The following ARMC9 variants were observed in gnomAD, a reference collection of about 807,000 sequenced individuals.
The protein encoded by ARMC9 is lisH domain-containing protein ARMC9.
Under a neutral mutation model 107.0 loss-of-function variants are expected in ARMC9, and 94 were observed. The observed-to-expected ratio is 0.88, with a 90% CI of 0.74 to 1.04. ARMC9 has a LOEUF of 1.04. Among genes scored for constraint, ARMC9 ranks in the 50% least tolerant of loss-of-function variants. The pLI, the probability that ARMC9 is intolerant of heterozygous loss-of-function variation, is 0.00. For synonymous variants in ARMC9, 380 were observed against 396.9 expected, an observed-to-expected ratio of 0.96 and a Z score of 0.51; for missense variants, 942 against 1,030.1, an observed-to-expected ratio of 0.91 and a Z score of 1.17.
In ARMC9 at chr2:231,376,289, C is replaced by T. The variant is rs1255045070; in HGVS notation, c.*4754C>T. 2.0e-5 allele frequency among the ~76,000 whole-genome samples: 3 copies of T among 152,132 alleles called. No individual in the cohort carries two copies. The highest frequency in any genetic ancestry group is 6.5e-5 in the Admixed American group (1 of 15,276). ...CCTTAAACTCTGACCACTGGTGAGT[C>T]GGGCGGAACAGAGCCATATTTCTCT... On this transcript the variant is annotated 3_prime_UTR_variant, in exon 25 of 25. Transcript: ENST00000611582.
At chr2:231,291,034 A>C (rs2040954201) in intron 17 of ARMC9, among the ~76,000 whole-genome samples, 1 of 152,070 alleles carries the variant, frequency 6.6e-6, no homozygotes, top group Admixed American at 6.5e-5. Flanking sequence ...GAATTATGAA[A>C]AGGATAAAAT....
chr2:231,237,865 T>A (rs2035921230), intron 8 of ARMC9, among the ~76,000 whole-genome samples: 1 of 137,720 alleles, frequency 7.3e-6, no homozygotes, highest in African/African-American at 2.7e-5. Context: ...AGCAAGAAAG[T>A]GACATGATCA....
chr2:231,266,428 C>CT (rs1353411642), intron 12 of ARMC9, among the ~76,000 whole-genome samples: 2 of 152,184 alleles, frequency 1.3e-5, no homozygotes, highest in Non-Finnish European at 2.9e-5. Flanking sequence ...TTCTTAGTTT[C>CT]TAGACTTCAT....
chr2:231,280,464 A>G (rs534226134), intron 16 of ARMC9, among the ~76,000 whole-genome samples: 2 of 152,196 alleles, frequency 1.3e-5, no homozygotes, highest in African/African-American at 4.8e-5. Flanking sequence ...TCTCAAAAAA[A>G]TAAATAAATA....
chr2:231,371,118 G>T (rs779967990), intron 24 of ARMC9: 226 of 483,774 alleles, frequency 4.7e-4, no homozygotes, highest in Non-Finnish European at 7.3e-4. Flanking sequence ...ATCCAGGGGA[G>T]GCTCGGCCAG....
Position 231,370,075 on chromosome 2 carries a change from A to T in ARMC9, c.2384A>T (p.Gln795Leu). 2 of 1,535,010 alleles carry T rather than the reference A, an allele frequency of 1.3e-6. No individual in the cohort carries two copies. The highest frequency in any genetic ancestry group is 1.7e-6 in the Non-Finnish European group (2 of 1,146,230). The change falls in exon 24 of 25, where the codon CAG (glutamine) becomes CTG (leucine). Residue 795 changes from glutamine (Q) to leucine (L), a missense_variant. Transcript: ENST00000611582. ...LAPLFSSCGP[Q>L]QASRPGSTAS... The stretch of plus-strand genomic sequence containing the variant: ...CCTCTGTTCTCTTCGTGTGGCCCCC[A>T]GCAGGCCAGCCGCCCCGGCTCCACA...
In ARMC9 at chr2:231,375,181, A is replaced by G. The variant is rs1477399824; in HGVS notation, c.*3646A>G. 6.6e-6 allele frequency among the ~76,000 whole-genome samples: 1 copy of G among 152,138 alleles called. No individual in the cohort carries two copies. Among genetic ancestry groups the G allele is most frequent in the Non-Finnish European group, 1.5e-5 (1 of 68,024 alleles). Reference sequence around the variant, plus strand: ...CTGCTGGGCTTGGCTGAACTCAACTATGTCTTATGGTCAGAGGGCAGTCAG... The same window carrying G: ...CTGCTGGGCTTGGCTGAACTCAACTGTGTCTTATGGTCAGAGGGCAGTCAG... On this transcript the variant is annotated 3_prime_UTR_variant, in exon 25 of 25. Coordinates refer to ENST00000611582, the MANE Select transcript of ARMC9 (RefSeq NM_001352754.2). This position sits in a 1 kb window ranked among gnomAD's most constrained non-coding sequence, Gnocchi z 4.3.
intron 8 of ARMC9, among the ~76,000 whole-genome samples, chr2:231,238,470 C>T (rs964394119): frequency 1.3e-5 from 2 of 152,178 alleles, no homozygotes; most frequent in African/African-American, 4.8e-5. Flanking sequence ...TCACCTCAGC[C>T]TTCTGAGTAG....
Position 231,255,178 on chromosome 2 carries a change from GAAAC to G in ARMC9, c.880-1406_880-1403del, listed in dbSNP as rs1052839685. Reference sequence around the variant, plus strand: ...ACAGCACTACCTGTAGTGGCAAAAAGAAACACACACACACACACACACACACACA... The same window carrying G: ...ACAGCACTACCTGTAGTGGCAAAAAGACACACACACACACACACACACACA... On this transcript the variant is annotated intron_variant, in intron 9 of 24. Coordinates refer to ENST00000611582, the MANE Select transcript of ARMC9 (RefSeq NM_001352754.2). The surrounding 1 kb of genome is among the most constrained non-coding windows in gnomAD (Gnocchi z 4.7). Among the ~76,000 whole-genome samples, 16 of 109,106 alleles carry G rather than the reference GAAAC, an allele frequency of 1.5e-4. No individual in the cohort carries two copies. The highest frequency in any genetic ancestry group is 5.4e-5 in the Non-Finnish European group (3 of 56,018). The allele number at this position is 109,106 out of a possible 152,430, so 71.6% of individuals were successfully genotyped here.
intron 1 of ARMC9, among the ~76,000 whole-genome samples, chr2:231,199,257 T>C (rs1174060140): frequency 6.6e-6 from 1 of 152,230 alleles, no homozygotes; most frequent in Non-Finnish European, 1.5e-5. Context: ...GGAAAAGTTT[T>C]TCTTAGTTTC....
rs1485966801 is a variant in ARMC9, at chr2:231,297,101, A to G, written c.1773+848A>G. On this transcript the variant is annotated intron_variant, in intron 19 of 24. Transcript: ENST00000611582. The surrounding 1 kb of genome is among the most constrained non-coding windows in gnomAD (Gnocchi z 4.2). ...CAGGTTTTTGATCACTGATGGCATC[A>G]GTTGGGAAAGAGGTATTTAAGAGCC... Among the ~76,000 whole-genome samples the G allele has an allele frequency of 1.3e-5, 2 of 152,174 alleles. No individual in the cohort carries two copies. Among genetic ancestry groups the G allele is most frequent in the African/African-American group, 4.8e-5 (2 of 41,440 alleles).
At chr2:231,279,605 G>A (rs1193138037) in intron 16 of ARMC9, among the ~76,000 whole-genome samples, 1 of 150,676 alleles carries the variant, frequency 6.6e-6, no homozygotes, top group East Asian at 1.9e-4. Flanking sequence ...CCACCTCCCG[G>A]GTTCAAGCGA....
At chr2:231,338,692 G>A (rs1175870703) in intron 20 of ARMC9, among the ~76,000 whole-genome samples, 1 of 151,754 alleles carries the variant, frequency 6.6e-6, no homozygotes, top group Non-Finnish European at 1.5e-5. Context: ...TTAAAAATTG[G>A]CAGATAACAC....
rs188088434 is a variant in ARMC9 at position 231,238,144 on chromosome 2, T to C, written c.781-1799T>C. Among the ~76,000 whole-genome samples the C allele has an allele frequency of 2.1e-3, 317 of 152,162 alleles. 2 individuals are homozygous for C. Among genetic ancestry groups the C allele is most frequent in the Admixed American group, 3.5e-3 (54 of 15,272 alleles). On this transcript the variant is annotated intron_variant, in intron 8 of 24. Coordinates refer to ENST00000611582, the MANE Select transcript of ARMC9 (RefSeq NM_001352754.2). Reference sequence around the variant, plus strand: ...TTGAGACAGTAAATGCAAGCGGTTCTTTCAAGGACCTTGGCTGTAAAGAGA... The same window carrying C: ...TTGAGACAGTAAATGCAAGCGGTTCCTTCAAGGACCTTGGCTGTAAAGAGA...
Position 231,222,764 on chromosome 2 carries a change from A to G in ARMC9, c.541A>G (p.Lys181Glu). Reference sequence around the variant, plus strand: ...TCCAGAGTTAAAGTTGAAGTTGATAAAGTTTCTAGCTTTAATATCTAAAGC... The same window carrying G: ...TCCAGAGTTAAAGTTGAAGTTGATAGAGTTTCTAGCTTTAATATCTAAAGC... The part of the protein sequence containing the change: ...WTPELKLKLI[K>E]FLALISKASN... The change falls in exon 6 of 25, where the codon AAG (lysine) becomes GAG (glutamate). Residue 181 changes from lysine to glutamate, a missense_variant. Coordinates refer to ENST00000611582, the MANE Select transcript of ARMC9 (RefSeq NM_001352754.2). The G allele has an allele frequency of 1.3e-6, 2 of 1,593,436 alleles. No individual in the cohort carries two copies. Among genetic ancestry groups the G allele is most frequent in the Admixed American group, 1.7e-5 (1 of 59,272 alleles).
intron 12 of ARMC9, among the ~76,000 whole-genome samples, chr2:231,269,875 T>TC (rs1396626014): frequency 5.6e-4 from 26 of 46,414 alleles, no homozygotes; most frequent in East Asian, 1.6e-3. Flanking sequence ...GCCCCCACCC[T>TC]CCCCCCCTAT....
At chr2:231,216,545 T>C in intron 4 of ARMC9, 93 bp from the exon 5 acceptor site, 3 of 1,415,048 alleles carry the variant, frequency 2.1e-6, no homozygotes, top group Non-Finnish European at 2.9e-6. Flanking sequence ...GCGACACGAC[T>C]GGGACAGAAG....
At chr2:231,320,338 G>GAC (rs1333968568) in intron 19 of ARMC9, among the ~76,000 whole-genome samples, 5 of 152,162 alleles carry the variant, frequency 3.3e-5, no homozygotes, top group Non-Finnish European at 7.4e-5. Flanking sequence ...CCAAAGGGCT[G>GAC]ACCCATTTGC....
Position 231,361,037 on chromosome 2 carries a change from C to T in ARMC9, c.2261+154C>T, listed in dbSNP as rs539939114. ...TAAGGAGCAGTGTCAAGATTCCCAG[C>T]GGAGTGCAGCCGCCACTCCTGACCA... is the stretch of plus-strand genomic sequence containing the variant. On this transcript the variant is annotated intron_variant, in intron 23 of 24. Transcript: ENST00000611582. 2.6e-5 allele frequency among the ~76,000 whole-genome samples: 4 copies of T among 152,318 alleles called. 1 individual carries two copies. In the South Asian group the frequency reaches 8.3e-4, roughly 32 times the overall value.
Sources: allele counts gnomAD v4.1 joint callset (sites outside exome capture counted in the v4.1 genomes callset), GRCh38; gene constraint gnomAD v4.1.1; non-coding constraint Gnocchi (gnomAD v3.1); transcripts MANE v1.5; gene names NCBI Gene and HGNC (gene_info 2026-07-23, HGNC 2026-07-21).